The following PRKN variants were observed in gnomAD, a reference collection of about 807,000 sequenced individuals.
The protein encoded by PRKN is E3 ubiquitin-protein ligase parkin.
In PRKN, 56 loss-of-function variants were observed where a neutral mutation model predicts 59.5. The ratio of observed to expected loss-of-function variants is 0.94; its 90% CI spans 0.76 to 1.18. The LOEUF is 1.18. Ranked by LOEUF, PRKN falls within the 50% of genes most tolerant of loss-of-function variation. The pLI, the probability that PRKN is intolerant of heterozygous loss-of-function variation, is 0.00. For missense variants in PRKN, 657 were observed against 596.4 expected (o/e 1.10, Z -1.06); for synonymous variants, 250 against 222.1 (o/e 1.13, Z -1.12).
chr6:161,874,025 A>ATAT (rs1335451260), intron 6 of PRKN, among the ~76,000 whole-genome samples: 1 of 45,738 alleles, frequency 2.2e-5, no homozygotes, highest in East Asian at 4.1e-4. Context: ...TATATGTAAA[A>ATAT]TATATATAAA....
chr6:161,477,075 C>T (rs182816855), intron 9 of PRKN, among the ~76,000 whole-genome samples: 345 of 152,374 alleles, frequency 2.3e-3, no homozygotes, highest in Non-Finnish European at 3.8e-3. Context: ...CAGCACTTAA[C>T]TCACCAGTGT....
chr6:162,638,739 CTTTTTTTTTTTTT>C (rs370517141), intron 1 of PRKN, among the ~76,000 whole-genome samples: 1 of 99,660 alleles, frequency 1.0e-5, no homozygotes, highest in African/African-American at 3.9e-5. Context: ...CTAACTATCC[CTTTTTTTTTTTTT>C]TTTTTTTTTT....
At chr6:162,153,074 T>A (rs1782343342) in intron 4 of PRKN, among the ~76,000 whole-genome samples, 1 of 152,220 alleles carries the variant, frequency 6.6e-6, no homozygotes, top group African/African-American at 2.4e-5. Flanking sequence ...GTTAATATGA[T>A]CACAAGTGTT....
chr6:162,004,586 A>G (rs1211089027), intron 5 of PRKN, among the ~76,000 whole-genome samples: 1 of 152,170 alleles, frequency 6.6e-6, no homozygotes, highest in African/African-American at 2.4e-5. Context: ...CAAACTCCTC[A>G]ACACCAGCGT....
chr6:161,999,043 T>C (rs1781948857), intron 5 of PRKN, among the ~76,000 whole-genome samples: 1 of 152,106 alleles, frequency 6.6e-6, no homozygotes, highest in Non-Finnish European at 1.5e-5. Context: ...GAAAGATAAG[T>C]AGATTCTCAG....
At chr6:161,688,178 C>A (rs1785638516) in intron 7 of PRKN, among the ~76,000 whole-genome samples, 1 of 152,214 alleles carries the variant, frequency 6.6e-6, no homozygotes, top group South Asian at 2.1e-4. Context: ...GAAGGAGACA[C>A]AAACCAACTG....
At chr6:161,697,109 G>T (rs1786053034) in intron 7 of PRKN, among the ~76,000 whole-genome samples, 1 of 152,172 alleles carries the variant, frequency 6.6e-6, no homozygotes, top group Non-Finnish European at 1.5e-5. Flanking sequence ...TGTCTGTGTG[G>T]CTCCGTGTGA....
intron 1 of PRKN, among the ~76,000 whole-genome samples, chr6:162,479,819 C>A (rs984860371): frequency 6.6e-6 from 1 of 151,022 alleles, no homozygotes; most frequent in Non-Finnish European, 1.5e-5. Context: ...TGTAATCCAG[C>A]ACTTTGGGAG....
rs537045588 is a variant in PRKN, at chr6:161,518,426, A to G, written c.1083+30428T>C. Among the ~76,000 whole-genome samples, 1 of 152,294 alleles carries G rather than the reference A, an allele frequency of 6.6e-6. No homozygotes were observed. Among genetic ancestry groups the G allele is most frequent in the East Asian group, 1.9e-4 (1 of 5,172 alleles). On this transcript the variant is annotated intron_variant, in intron 9 of 11. Transcript: ENST00000366898. This position sits in a 1 kb window ranked among gnomAD's most constrained non-coding sequence, Gnocchi z 5.0. Reference sequence around the variant, plus strand: ...GTGGTGGGCGCCTGTAGTCCCAGCTACTTGGGAGGCTGGGCAGCAGCCTGG... The same window carrying G: ...GTGGTGGGCGCCTGTAGTCCCAGCTGCTTGGGAGGCTGGGCAGCAGCCTGG...
intron 1 of PRKN, among the ~76,000 whole-genome samples, chr6:162,556,342 GGTGTGTGTGTGTGTGTGTGTGTGTGTGT>G (rs202002846): frequency 1.7e-5 from 1 of 57,300 alleles, no homozygotes; most frequent in Non-Finnish European, 3.3e-5. Context: ...CTACTCAGCT[GGTGTGTGTGTGTGTGTGTGTGTGTGTGT>G]GTGTGTGTGT....
At chr6:162,347,648 T>C (rs187007448) in intron 2 of PRKN, among the ~76,000 whole-genome samples, 58 of 152,278 alleles carry the variant, frequency 3.8e-4, no homozygotes, top group African/African-American at 1.4e-3. Flanking sequence ...TATTTTTATA[T>C]AGCATTTGTT....
rs144897928 is a variant in PRKN at position 162,076,391 on chromosome 6, C to T, written c.535-22217G>A. On this transcript the variant is annotated intron_variant, in intron 4 of 11. Transcript: ENST00000366898. Reference sequence around the variant, plus strand: ...ATTTTTTAATTTGTTTTAACATGGTCTGGTTTAATACACATTGTATAGATG... The same window carrying T: ...ATTTTTTAATTTGTTTTAACATGGTTTGGTTTAATACACATTGTATAGATG... Among the ~76,000 whole-genome samples the T allele has an allele frequency of 6.5e-4, 99 of 152,176 alleles. 1 individual carries two copies. The highest frequency in any genetic ancestry group is 6.2e-3 in the East Asian group (32 of 5,192).
intron 7 of PRKN, among the ~76,000 whole-genome samples, chr6:161,772,576 G>A (rs1370382391): frequency 6.6e-6 from 1 of 152,156 alleles, no homozygotes. Context: ...TTTAACACAG[G>A]CAATGAACTC....
intron 1 of PRKN, among the ~76,000 whole-genome samples, chr6:162,454,537 CAAGGA>C (rs1790773109): frequency 6.6e-6 from 1 of 152,172 alleles, no homozygotes; most frequent in African/African-American, 2.4e-5. Context: ...CCAAACTTCA[CAAGGA>C]AAGAAGCAGG....
chr6:162,320,364 A>AAAAAAAAAAAAAAAAAAAAAAAC (rs1782947772), intron 2 of PRKN, among the ~76,000 whole-genome samples: 2 of 42,754 alleles, frequency 4.7e-5, no homozygotes, highest in Non-Finnish European at 1.2e-4. Flanking sequence ...CAAAAAGCCA[A>AAAAAAAAAAAAAAAAAAAAAAAC]AAAAAAAAAA....
intron 1 of PRKN, among the ~76,000 whole-genome samples, chr6:162,472,313 T>C (rs1299659488): frequency 1.3e-5 from 2 of 151,060 alleles, no homozygotes; most frequent in Non-Finnish European, 3.0e-5. Flanking sequence ...CATTAACTCA[T>C]CATTTACATT....
intron 4 of PRKN, among the ~76,000 whole-genome samples, chr6:162,060,133 C>A (rs1778035918): frequency 6.6e-6 from 1 of 152,166 alleles, no homozygotes; most frequent in Non-Finnish European, 1.5e-5. Flanking sequence ...TTTCCAAACT[C>A]ATACTGAAAA....
At position 161,401,307 on chromosome 6, in the gene PRKN, A is replaced by C. The variant is rs1277367548; in HGVS notation, c.1084-14430T>G. 6.6e-6 allele frequency among the ~76,000 whole-genome samples: 1 copy of C among 152,126 alleles called. No individual in the cohort carries two copies. The highest frequency in any genetic ancestry group is 1.5e-5 in the Non-Finnish European group (1 of 68,028). ...GCCAGTCTTGCTTTAGCACCAAAGA[A>C]TTAATTTTAAAAGTTAGAGTTGGCC... On this transcript the variant is annotated intron_variant, in intron 9 of 11. Coordinates refer to ENST00000366898, the MANE Select transcript of PRKN (RefSeq NM_004562.3). The surrounding 1 kb of genome is among the most constrained non-coding windows in gnomAD (Gnocchi z 4.4).
intron 3 of PRKN, among the ~76,000 whole-genome samples, chr6:162,243,021 A>C (rs1296105644): frequency 2.7e-5 from 4 of 148,854 alleles, no homozygotes; most frequent in Non-Finnish European, 6.0e-5. Flanking sequence ...AAAAAAAAAA[A>C]ACATTTATCA....
Sources: allele counts gnomAD v4.1 joint callset (sites outside exome capture counted in the v4.1 genomes callset), GRCh38; gene constraint gnomAD v4.1.1; non-coding constraint Gnocchi (gnomAD v3.1); transcripts MANE v1.5; gene names NCBI Gene and HGNC (gene_info 2026-07-23, HGNC 2026-07-21).